NPHP4: variants seen among roughly 807,000 people sequenced by gnomAD.
The protein encoded by NPHP4 is nephrocystin 4.
NPHP4 carries 151 observed loss-of-function variants against 155.8 expected under a neutral mutation model. The ratio of observed to expected loss-of-function variants is 0.97; its 90% confidence interval spans 0.85 to 1.11. The LOEUF is 1.11. Among genes scored for constraint, NPHP4 ranks in the 50% least tolerant of loss-of-function variants. NPHP4 has a pLI of 0.00. For synonymous variants in NPHP4, 845 were observed against 816.8 expected (o/e 1.03, Z -0.59); for missense variants, 1,956 against 1,925.7 (o/e 1.02, Z -0.29).
intron 6 of NPHP4, among the ~76,000 whole-genome samples, chr1:5,955,934 C>T (rs917053948): frequency 3.9e-5 from 6 of 152,080 alleles, no homozygotes; most frequent in Admixed American, 3.9e-4. Flanking sequence ...AGATTACAGT[C>T]ACGCTAGTAC....
chr1:5,939,455 G>A (rs1436246806), intron 9 of NPHP4, among the ~76,000 whole-genome samples: 1 of 152,206 alleles, frequency 6.6e-6, no homozygotes, highest in Non-Finnish European at 1.5e-5. Context: ...TGGCATGTGG[G>A]CACTGCAGGG....
chr1:5,931,767 C>T (rs1646289910), intron 10 of NPHP4, among the ~76,000 whole-genome samples: 2 of 141,356 alleles, frequency 1.4e-5, no homozygotes, highest in African/African-American at 5.2e-5. Flanking sequence ...AACTTTCTTG[C>T]TAAAAAAATG....
At position 5,864,392 on chromosome 1, in the gene NPHP4, C is replaced by A; in HGVS notation, c.3942G>T (p.Gln1314His). The A allele has an allele frequency of 1.2e-6, 2 of 1,611,686 alleles. No homozygotes were observed. The highest frequency in any genetic ancestry group is 1.7e-6 in the Non-Finnish European group (2 of 1,179,150). ...HLNLVDVDCH[Q>H]LVASWLVCLC... Reference sequence around the variant, plus strand: ...GGCACACGAGCCAGGAGGCCACCAGCTGGTGGCAATCCACGTCCACCAGGT... The same window carrying A: ...GGCACACGAGCCAGGAGGCCACCAGATGGTGGCAATCCACGTCCACCAGGT... The change falls in exon 28 of 30, where the codon CAG becomes CAT. Residue 1314 changes from glutamine to histidine, a missense_variant. Physicochemically the swap from Gln to His is conservative, Grantham distance 24. Coordinates refer to ENST00000378156, the MANE Select transcript of NPHP4 (RefSeq NM_015102.5).
intron 23 of NPHP4, among the ~76,000 whole-genome samples, chr1:5,872,364 T>C (rs1295951053): frequency 6.6e-6 from 1 of 152,172 alleles, no homozygotes; most frequent in East Asian, 1.9e-4. Flanking sequence ...GCCCTTACCA[T>C]TCAGACCTGA....
chr1:5,971,929 A>C lies in NPHP4; in HGVS notation c.280-2670T>G, dbSNP rs192209215. On this transcript the variant is annotated intron_variant, in intron 3 of 29. Coordinates refer to ENST00000378156, the MANE Select transcript of NPHP4 (RefSeq NM_015102.5). Reference sequence around the variant, plus strand: ...GTCAAGTTTCCTCCTTGACAGCATAAACAGATTAATAAATCATTTAAATGC... The same window carrying C: ...GTCAAGTTTCCTCCTTGACAGCATACACAGATTAATAAATCATTTAAATGC... Among the ~76,000 whole-genome samples the C allele has an allele frequency of 8.5e-5, 13 of 152,378 alleles. No homozygotes were observed. The East Asian group carries it at 1.2e-3, about 14-fold the overall frequency.
chr1:5,879,999 TG>T, intron 19 of NPHP4, 114 bp downstream of exon 19: 1 of 1,248,152 alleles, frequency 8.0e-7, no homozygotes, highest in South Asian at 1.4e-5. Context: ...GCACCACGAA[TG>T]GTGCACACAC....
At chr1:5,928,352 A>G (rs1646117051) in intron 10 of NPHP4, among the ~76,000 whole-genome samples, 1 of 152,258 alleles carries the variant, frequency 6.6e-6, no homozygotes, top group African/African-American at 2.4e-5. Context: ...ATTTAGCATA[A>G]GACTGAGGAG....
intron 10 of NPHP4, 82 bp downstream of exon 10, chr1:5,933,065 T>C (rs1646358576): frequency 1.8e-6 from 2 of 1,138,562 alleles, no homozygotes; most frequent in Non-Finnish European, 1.2e-6. Flanking sequence ...TCTGCAAACA[T>C]ATTTGTGAAC....
intron 23 of NPHP4, among the ~76,000 whole-genome samples, chr1:5,872,443 A>G (rs1642100920): frequency 1.3e-5 from 2 of 152,206 alleles, no homozygotes; most frequent in Admixed American, 6.5e-5. Flanking sequence ...CTTCCCACTC[A>G]TGTAAGGAAA....
chr1:5,957,090 G>C (rs901977163), intron 6 of NPHP4, among the ~76,000 whole-genome samples: 2 of 152,198 alleles, frequency 1.3e-5, no homozygotes, highest in African/African-American at 4.8e-5. Flanking sequence ...CGTGGCAGAA[G>C]TGACCCCCAC....
intron 4 of NPHP4, among the ~76,000 whole-genome samples, chr1:5,968,813 C>T (rs1327626602): frequency 1.3e-5 from 2 of 152,064 alleles, no homozygotes; most frequent in Non-Finnish European, 2.9e-5. Flanking sequence ...GCAGGTGCAT[C>T]ACTTGAGGTC....
intron 1 of NPHP4, among the ~76,000 whole-genome samples, chr1:5,991,839 G>A (rs572765140): frequency 6.6e-6 from 1 of 151,564 alleles, no homozygotes; most frequent in African/African-American, 2.4e-5. Context: ...GCCTGGGAAG[G>A]ATGCGCGCGG....
Position 5,865,232 on chromosome 1 carries a change from T to A in NPHP4, c.3686A>T (p.Tyr1229Phe), listed in dbSNP as rs374390513. 1 of 1,593,894 alleles carries A rather than the reference T, an allele frequency of 6.3e-7. No individual in the cohort carries two copies. Among genetic ancestry groups the A allele is most frequent in the Non-Finnish European group, 8.6e-7 (1 of 1,167,218 alleles). The part of the protein sequence containing the change: ...LATPTQTWQV[Y>F]LHSLQRVDVS... ...ATCCACGCGCTGCAGGGAGTGGAGG[T>A]AGACCTGCCACGTCTGTGTGGGTGT... The change falls in exon 27 of 30, where the codon TAC (tyrosine) becomes TTC (phenylalanine). Residue 1229 changes from tyrosine (Y) to phenylalanine (F), a missense_variant. Tyr to Phe is a conservative substitution (Grantham distance 22, BLOSUM62 3). Coordinates refer to ENST00000378156, the MANE Select transcript of NPHP4 (RefSeq NM_015102.5).
chr1:5,955,728 G>A (rs1557828677), intron 6 of NPHP4, among the ~76,000 whole-genome samples: 1 of 152,326 alleles, frequency 6.6e-6, no homozygotes, highest in East Asian at 1.9e-4. Context: ...ACAGAACAGT[G>A]GTTATCAGAG....
At chr1:5,969,548 G>C (rs998188493) in intron 3 of NPHP4, among the ~76,000 whole-genome samples, 1 of 152,076 alleles carries the variant, frequency 6.6e-6, no homozygotes, top group African/African-American at 2.4e-5. Flanking sequence ...CATTCCCTAG[G>C]AATTCCACCA....
At chr1:5,914,238 T>C (rs1198513024) in intron 11 of NPHP4, among the ~76,000 whole-genome samples, 2 of 97,330 alleles carry the variant, frequency 2.1e-5, no homozygotes, top group East Asian at 3.8e-4. Context: ...CTGGGCAACA[T>C]GGCAAAATCT....
At chr1:5,989,972 G>A (rs1373430022) in intron 1 of NPHP4, among the ~76,000 whole-genome samples, 1 of 152,242 alleles carries the variant, frequency 6.6e-6, no homozygotes, top group Non-Finnish European at 1.5e-5. Context: ...TCGGGATGTG[G>A]AGGCAGGGCA....
intron 18 of NPHP4, among the ~76,000 whole-genome samples, chr1:5,884,222 C>T (rs1643567127): frequency 6.6e-6 from 1 of 152,188 alleles, no homozygotes; most frequent in South Asian, 2.1e-4. Flanking sequence ...ACACACAGGG[C>T]TCCCGATGCA....
chr1:5,879,616 C>T (rs371020902), intron 19 of NPHP4: 8 of 519,046 alleles, frequency 1.5e-5, no homozygotes, highest in Non-Finnish European at 2.3e-5. Flanking sequence ...ACAGCACAGT[C>T]GCCTGCAGAG....
Sources: allele counts gnomAD v4.1 joint callset (sites outside exome capture counted in the v4.1 genomes callset), GRCh38; gene constraint gnomAD v4.1.1; transcripts MANE v1.5; gene names NCBI Gene and HGNC (gene_info 2026-07-23, HGNC 2026-07-21).